Variants in FAAH2 observed in about 807,000 individuals in gnomAD.
The protein encoded by FAAH2 is fatty acid amide hydrolase 2.
A neutral mutation model predicts 36.9 loss-of-function variants in FAAH2; 60 were observed. The observed-to-expected ratio is 1.63, with a 90% confidence interval of 1.32 to 2.02. The LOEUF (loss-of-function observed/expected upper bound fraction) is 2.02. Among genes scored for constraint, FAAH2 ranks in the 30% most tolerant of loss-of-function variants. The pLI, the probability that FAAH2 is intolerant of heterozygous loss-of-function variation, is 0.00. For synonymous variants in FAAH2, 214 were observed against 143.8 expected (o/e 1.49, Z -3.49); for missense variants, 689 against 397.5 (o/e 1.73, Z -6.23).
the FAAH2 span, among the ~76,000 whole-genome samples, chrX:57,279,594 A>T: frequency 1.4e-4 from 16 of 111,808 alleles, no homozygotes; most frequent in East Asian, 4.5e-3. Context: ...AACTTAAAGG[A>T]TAATAATAAT....
At chrX:57,123,689 G>A in the FAAH2 span, among the ~76,000 whole-genome samples, 8 of 111,943 alleles carry the variant, frequency 7.1e-5, no homozygotes, top group Middle Eastern at 4.7e-3. Flanking sequence ...TTTAATGATC[G>A]CCATTCTAAC....
chrX:57,383,225 G>A (rs760710920), intron 7 of FAAH2, among the ~76,000 whole-genome samples: 2 of 112,040 alleles, frequency 1.8e-5, no homozygotes, highest in East Asian at 5.6e-4. Context: ...ATATCATACT[G>A]AATGGCAAAA....
the FAAH2 span, among the ~76,000 whole-genome samples, chrX:57,251,109 CT>C: frequency 9.0e-6 from 1 of 111,543 alleles, no homozygotes; most frequent in Non-Finnish European, 1.9e-5. Context: ...CAACAAAACG[CT>C]GGCCAACTGA....
chrX:57,480,165 C>T (rs1378501099), intron 10 of FAAH2, among the ~76,000 whole-genome samples: 1 of 111,191 alleles, frequency 9.0e-6, no homozygotes, highest in Non-Finnish European at 1.9e-5. Context: ...GGTTTCACAG[C>T]CGAATTCTAC....
chrX:57,463,721 TAGAATG>T (rs2057000308), intron 10 of FAAH2, among the ~76,000 whole-genome samples: 1 of 111,689 alleles, frequency 9.0e-6, no homozygotes, highest in Non-Finnish European at 1.9e-5. Context: ...TCACCCCAGT[TAGAATG>T]GTGATCATTA....
the FAAH2 span, among the ~76,000 whole-genome samples, chrX:57,137,972 ACCT>A: frequency 4.5e-5 from 5 of 111,311 alleles, no homozygotes; most frequent in Non-Finnish European, 5.6e-5. Flanking sequence ...CCAAATACAC[ACCT>A]CTATCCAATC....
intron 2 of FAAH2, among the ~76,000 whole-genome samples, chrX:57,310,006 C>T (rs1602231075): frequency 8.9e-6 from 1 of 112,184 alleles, no homozygotes; most frequent in Non-Finnish European, 1.9e-5. Flanking sequence ...AATTGTCACA[C>T]CGTTTTTCAC....
chrX:57,321,483 A>G (rs1383831977), intron 3 of FAAH2, among the ~76,000 whole-genome samples: 1 of 109,799 alleles, frequency 9.1e-6, no homozygotes, highest in African/African-American at 3.3e-5. Flanking sequence ...AATAATTATT[A>G]TTATACTATT....
At chrX:57,179,716 C>T in the FAAH2 span, among the ~76,000 whole-genome samples, 1 of 110,759 alleles carries the variant, frequency 9.0e-6, no homozygotes, top group Non-Finnish European at 1.9e-5. Flanking sequence ...ACATCAAGGC[C>T]CAGAATTAAC....
chrX:57,437,250 C>G (rs771824968), intron 8 of FAAH2, among the ~76,000 whole-genome samples: 1 of 110,712 alleles, frequency 9.0e-6, no homozygotes, highest in Non-Finnish European at 1.9e-5. Flanking sequence ...AGGCCACATA[C>G]AACAAACCCA....
rs76584963 is a variant in FAAH2 at position 57,462,994 on chromosome X, G to A, written c.1423+14276G>A. Among the ~76,000 whole-genome samples the A allele has an allele frequency of 2.7e-5, 3 of 112,061 alleles. No individual in the cohort carries two copies. The East Asian group carries it at 8.4e-4, about 31-fold the overall frequency. ...CAAAATCAGTGTGCAAAAATCACAA[G>A]CATTCCTATACACCAATAATAGACA... On this transcript the variant is annotated intron_variant, in intron 10 of 10. Transcript: ENST00000374900.
chrX:57,421,358 C>A lies in FAAH2; in HGVS notation c.997-10560C>A, dbSNP rs184752207. Among the ~76,000 whole-genome samples, 1,069 of 111,920 alleles carry A rather than the reference C, an allele frequency of 9.6e-3. 8 individuals carry two copies. The highest frequency in any genetic ancestry group is 0.015 in the Non-Finnish European group (780 of 53,167). ...ACTCAGCTACTCAGGTGGGTGAGACCGGAGAGTTGCTTGAACCCAAGAGGT... is the reference window on the plus strand; with the variant it reads ...ACTCAGCTACTCAGGTGGGTGAGACAGGAGAGTTGCTTGAACCCAAGAGGT... On this transcript the variant is annotated intron_variant, in intron 7 of 10. Coordinates refer to ENST00000374900, the MANE Select transcript of FAAH2 (RefSeq NM_174912.4).
chrX:57,185,377 G>T, the FAAH2 span, among the ~76,000 whole-genome samples: 1 of 110,816 alleles, frequency 9.0e-6, no homozygotes, highest in Non-Finnish European at 1.9e-5. Context: ...TTAGTAAAAT[G>T]ACTTCCACTT....
At chrX:57,464,751 C>A (rs1344478066) in intron 10 of FAAH2, among the ~76,000 whole-genome samples, 1 of 110,960 alleles carries the variant, frequency 9.0e-6, no homozygotes, top group Non-Finnish European at 1.9e-5. Context: ...ATGTTTATGA[C>A]CTGGAAGATA....
intron 5 of FAAH2, 40 bp downstream of exon 5, chrX:57,341,430 A>G: frequency 8.7e-7 from 1 of 1,151,515 alleles, no homozygotes; most frequent in Non-Finnish European, 1.2e-6. Context: ...CTACTTTTAT[A>G]ATTCAGAGCA....
rs751808101 is a variant in FAAH2 at position 57,331,725 on chromosome X, T to C, written c.540T>C (p.Cys180=). The change falls in exon 4 of 11, where the codon TGT becomes TGC. Residue 180 remains cysteine, a synonymous_variant. Coordinates refer to ENST00000374900, the MANE Select transcript of FAAH2 (RefSeq NM_174912.4). ...PLGITNCSEL[C]MWYESSNKIY... ...GCATAACCAACTGTAGTGAGTTGTGTATGTGGTATGAATCCAGTAACAAGA... is the reference window on the plus strand; with the variant it reads ...GCATAACCAACTGTAGTGAGTTGTGCATGTGGTATGAATCCAGTAACAAGA... 11 of 1,211,107 alleles carry C rather than the reference T, an allele frequency of 9.1e-6. No homozygotes were observed. In the South Asian group the frequency reaches 1.1e-4, roughly 12 times the overall value.
At chrX:57,258,982 G>T in the FAAH2 span, among the ~76,000 whole-genome samples, 20 of 109,937 alleles carry the variant, frequency 1.8e-4, no homozygotes, top group Admixed American at 1.8e-3. Context: ...GCCTCCCAAA[G>T]TGCTGGGATT....
chrX:57,408,217 G>A (rs1157928648), intron 7 of FAAH2, among the ~76,000 whole-genome samples: 1 of 110,632 alleles, frequency 9.0e-6, no homozygotes, highest in Non-Finnish European at 1.9e-5. Flanking sequence ...AATTTTGATA[G>A]CAAATGCATT....
chrX:57,249,658 T>C, the FAAH2 span, among the ~76,000 whole-genome samples: 1 of 112,272 alleles, frequency 8.9e-6, no homozygotes, highest in Non-Finnish European at 1.9e-5. Context: ...ACTCTCTTCT[T>C]TCCCAGTCTG....
Sources: allele counts gnomAD v4.1 joint callset (sites outside exome capture counted in the v4.1 genomes callset), GRCh38; gene constraint gnomAD v4.1.1; transcripts MANE v1.5; gene names NCBI Gene and HGNC (gene_info 2026-07-23, HGNC 2026-07-21).